Variants in HSPG2 observed in about 807,000 individuals in gnomAD.
The protein encoded by HSPG2 is basement membrane-specific heparan sulfate proteoglycan core protein.
A neutral mutation model predicts 526.6 loss-of-function variants in HSPG2; 278 were observed. The observed-to-expected ratio is 0.53, with a 90% confidence interval of 0.48 to 0.58. HSPG2 has a LOEUF of 0.58. Among genes scored for constraint, HSPG2 ranks in the 20% least tolerant of loss-of-function variants. The pLI is 0.00. For synonymous variants in HSPG2, 2,465 were observed against 2,555.4 expected (o/e 0.96, Z 1.07); for missense variants, 5,354 against 6,099.5 (o/e 0.88, Z 4.07).
intron 80 of HSPG2, chr1:21,832,916 C>T (rs1162633355): frequency 1.1e-5 from 6 of 562,618 alleles, no homozygotes; most frequent in African/African-American, 3.8e-5. Context: ...GTCAGAGACC[C>T]GTAAGAGACG....
Position 21,822,887 on chromosome 1 carries a change from T to C in HSPG2, c.*429A>G, listed in dbSNP as rs1270490168. 6.0e-6 allele frequency: 1 copy of C among 167,434 alleles called. No homozygotes were observed. The highest frequency in any genetic ancestry group is 1.3e-5 in the Non-Finnish European group (1 of 77,636). 10.4% of individuals were successfully genotyped at this position (167,434 alleles called of 1,614,324 possible). ...CCAATCCTGAGTGGGTGGCAGAGAC[T>C]CCTGCGATGCCCGTCTCAGGTAGCT... is the stretch of plus-strand genomic sequence containing the variant. On this transcript the variant is annotated 3_prime_UTR_variant, in exon 97 of 97. Coordinates refer to ENST00000374695, the MANE Select transcript of HSPG2 (RefSeq NM_005529.7).
chr1:21,839,557 A>C lies in HSPG2; in HGVS notation c.9710-7T>G, dbSNP rs2098040427. The stretch of plus-strand genomic sequence containing the variant: ...ATGGTGGGCGCGGGGCTGCCTGTGG[A>C]GTCGAGTGGAAGATGACAGAAGTCA... On this transcript the variant is annotated splice_polypyrimidine_tract_variant and splice_region_variant and intron_variant, in intron 72 of 96. Coordinates refer to ENST00000374695, the MANE Select transcript of HSPG2 (RefSeq NM_005529.7). The surrounding 1 kb of genome is among the most constrained non-coding windows in gnomAD (Gnocchi z 4.5). 1 of 1,613,552 alleles carries C rather than the reference A, an allele frequency of 6.2e-7. No individual in the cohort carries two copies. Among genetic ancestry groups the C allele is most frequent in the Non-Finnish European group, 8.5e-7 (1 of 1,179,860 alleles).
chr1:21,829,946 C>T (rs1159925098), intron 86 of HSPG2, 47 bp downstream of exon 86: 1 of 1,495,354 alleles, frequency 6.7e-7, no homozygotes, highest in Admixed American at 1.9e-5. Flanking sequence ...CCCAGCCTCC[C>T]CAGCTGACAC....
chr1:21,884,943 A>T, intron 11 of HSPG2, 25 bp from the exon 12 acceptor site: 1 of 1,613,966 alleles, frequency 6.2e-7, no homozygotes, highest in Non-Finnish European at 8.5e-7. Context: ...GACAAGTGGT[A>T]GGATCTGGCC....
chr1:21,845,581 T>C (rs1014310601), intron 64 of HSPG2, among the ~76,000 whole-genome samples: 1 of 152,144 alleles, frequency 6.6e-6, no homozygotes, highest in African/African-American at 2.4e-5. Flanking sequence ...GGTTTCACCA[T>C]GTTACCCAGA....
At chr1:21,838,453 C>T (rs2098035815) in intron 74 of HSPG2, among the ~76,000 whole-genome samples, 1 of 152,268 alleles carries the variant, frequency 6.6e-6, no homozygotes, top group African/African-American at 2.4e-5. Flanking sequence ...CCCAGCCCAT[C>T]CTGGGCCTTG....
At chr1:21,868,530 C>G (rs1001941952) in intron 33 of HSPG2, among the ~76,000 whole-genome samples, 1 of 152,198 alleles carries the variant, frequency 6.6e-6, no homozygotes, top group Non-Finnish European at 1.5e-5. Flanking sequence ...ACGCAGCACA[C>G]AGTAAATAAT....
At position 21,839,979 on chromosome 1, in the gene HSPG2, C is replaced by G; in HGVS notation, c.9552G>C (p.Val3184=). Reference sequence around the variant, plus strand: ...TGCCTAGTGCATTCTGAGCAAGGCACACATAAGTGCCCGCATCTGATGGTT... The same window carrying G: ...TGCCTAGTGCATTCTGAGCAAGGCAGACATAAGTGCCCGCATCTGATGGTT... ...SAKPSDAGTY[V]CLAQNALGTA... is the part of the protein sequence containing the mutation. The change falls in exon 72 of 97, where the codon GTG becomes GTC. Residue 3184 remains valine, a synonymous_variant. Coordinates refer to ENST00000374695, the MANE Select transcript of HSPG2 (RefSeq NM_005529.7). The surrounding 1 kb of genome is among the most constrained non-coding windows in gnomAD (Gnocchi z 4.5). 6.2e-7 allele frequency: 1 copy of G among 1,614,194 alleles called. No individual in the cohort carries two copies. The highest frequency in any genetic ancestry group is 1.1e-5 in the South Asian group (1 of 91,086).
At chr1:21,846,986 C>A (rs1045848443) in intron 62 of HSPG2, among the ~76,000 whole-genome samples, 1 of 151,078 alleles carries the variant, frequency 6.6e-6, no homozygotes, top group East Asian at 1.9e-4. Context: ...GGTGACAGAG[C>A]GAGACTCCCT....
rs758331060 is a variant in HSPG2 at position 21,831,671 on chromosome 1, G to A, written c.11333C>T (p.Pro3778Leu). Reference sequence around the variant, plus strand: ...TCTCACCTGGGAGGTCCCATTGACCGGGGCCAGGTCACCCACAATCAGGGA... The same window carrying A: ...TCTCACCTGGGAGGTCCCATTGACCAGGGCCAGGTCACCCACAATCAGGGA... ...QGSLIVGDLA[P>L]VNGTSQGKFQ... Residue 3778 changes from proline (P) to leucine (L), a missense_variant, in exon 82 of 97, where the codon CCG becomes CTG. Coordinates refer to ENST00000374695, the MANE Select transcript of HSPG2 (RefSeq NM_005529.7). 1.2e-5 allele frequency: 19 copies of A among 1,605,910 alleles called. No individual in the cohort carries two copies. Among genetic ancestry groups the A allele is most frequent in the South Asian group, 3.3e-5 (3 of 89,968 alleles).
rs2152721317 is a variant in HSPG2 at position 21,852,829 on chromosome 1, G to A, written c.6595C>T (p.His2199Tyr). Residue 2199 changes from histidine to tyrosine, a missense_variant, in exon 52 of 97, where the codon CAC becomes TAC. His to Tyr is a moderately conservative substitution (Grantham distance 83, BLOSUM62 2). Coordinates refer to ENST00000374695, the MANE Select transcript of HSPG2 (RefSeq NM_005529.7). ...GGSLPARHQT[H>Y]GSLLRLHQVT... ...TGGTGCAGCCGCAGCAGCGAGCCGT[G>A]GGTCTGTGTGCAAATGGGGTGGGTT... 4.3e-6 allele frequency: 7 copies of A among 1,612,366 alleles called. No homozygotes were observed. Among genetic ancestry groups the A allele is most frequent in the East Asian group, 2.2e-5 (1 of 44,868 alleles).
At position 21,879,080 on chromosome 1, in the gene HSPG2, G is replaced by A; in HGVS notation, c.2385C>T (p.Cys795=). The change falls in exon 18 of 97, where the codon TGC becomes TGT. Residue 795 remains cysteine (C), a synonymous_variant. Transcript: ENST00000374695. ...HNTEGPQCNK[C]KAGFFGDAMK... is the part of the protein sequence containing the mutation. ...TGGCGTCCCCAAAGAAGCCAGCCTT[G>A]CACTTGTTGCACTGTGGCCCCTCCG... 6.2e-7 allele frequency: 1 copy of A among 1,614,250 alleles called. No individual in the cohort carries two copies. The highest frequency in any genetic ancestry group is 2.2e-5 in the East Asian group (1 of 44,890).
Position 21,885,151 on chromosome 1 carries a change from G to C in HSPG2, c.1217C>G (p.Pro406Arg). 2 of 1,608,936 alleles carry C rather than the reference G, an allele frequency of 1.2e-6. No individual in the cohort carries two copies. Among genetic ancestry groups the C allele is most frequent in the Non-Finnish European group, 8.5e-7 (1 of 1,177,492 alleles). ...DRSDEFGCMP[P>R]QVVTPPRESI... ...CTCCCGGGGAGGTGTCACCACCTGG[G>C]GGGGCACTGAGGAGACCAGGGCAGG... Residue 406 changes from proline to arginine, a missense_variant, in exon 11 of 97, where the codon CCC becomes CGC. Physicochemically the swap from Pro to Arg is moderately radical, Grantham distance 103. Transcript: ENST00000374695.
In HSPG2 at chr1:21,843,297, C is replaced by T. The variant is rs775585114; in HGVS notation, c.8758G>A (p.Ala2920Thr). 5.6e-5 allele frequency: 91 copies of T among 1,613,882 alleles called. 2 individuals are homozygous for T. The South Asian group carries it at 9.6e-4, about 17-fold the overall frequency. The part of the protein sequence containing the change: ...IEPSSPGPIP[A>T]PGLAQPIYIE... ...TCGCCCACTGCTCCCTATCACTCACCAGGAATGGGTCCTGGGCTGGAGGGC... is the reference window on the plus strand; with the variant it reads ...TCGCCCACTGCTCCCTATCACTCACTAGGAATGGGTCCTGGGCTGGAGGGC... The change falls in exon 66 of 97, where the codon GCT becomes ACT. Residue 2920 changes from alanine to threonine, a missense_variant and splice_region_variant. Coordinates refer to ENST00000374695, the MANE Select transcript of HSPG2 (RefSeq NM_005529.7).
chr1:21,824,748 G>A lies in HSPG2; in HGVS notation c.12621C>T (p.His4207=), dbSNP rs111919988. ...CAGGGAAGGCGAGGAAGCCATCATC[G>A]TGGAAATAGGCTCCGTACTGCCCAG... ...DAPGQYGAYF[H]DDGFLAFPGH... The change falls in exon 92 of 97, where the codon CAC becomes CAT. Residue 4207 remains histidine, a synonymous_variant. Transcript: ENST00000374695. This position sits in a 1 kb window ranked among gnomAD's most constrained non-coding sequence, Gnocchi z 5.9. The A allele has an allele frequency of 1.7e-5, 28 of 1,613,380 alleles. No individual in the cohort carries two copies. In the African/African-American group the frequency reaches 2.0e-4, roughly 12 times the overall value.
chr1:21,865,215 C>T lies in HSPG2; in HGVS notation c.4395+70G>A. ...GGGGAGCGAGAGACAGGGTGGGTAT[C>T]AAAGCCAGGCTCTGAGTCAGGGTGG... On this transcript the variant is annotated intron_variant, in intron 35 of 96. Coordinates refer to ENST00000374695, the MANE Select transcript of HSPG2 (RefSeq NM_005529.7). This position sits in a 1 kb window ranked among gnomAD's most constrained non-coding sequence, Gnocchi z 5.4. 1.3e-6 allele frequency: 2 copies of T among 1,554,600 alleles called. No homozygotes were observed. The highest frequency in any genetic ancestry group is 1.8e-6 in the Non-Finnish European group (2 of 1,125,920).
At chr1:21,888,172 C>A (rs1215113911) in intron 6 of HSPG2, 106 bp from the exon 7 acceptor site, 5 of 1,495,428 alleles carry the variant, frequency 3.3e-6, no homozygotes, top group Non-Finnish European at 3.7e-6. Context: ...CTGTGTCAGG[C>A]AGCTCGGTTT....
At position 21,828,873 on chromosome 1, in the gene HSPG2, T is replaced by C. The variant is rs2097988987; in HGVS notation, c.12199A>G (p.Thr4067Ala). The C allele has an allele frequency of 2.6e-6, 4 of 1,552,244 alleles. No individual in the cohort carries two copies. In the Middle Eastern group the frequency reaches 6.8e-4, roughly 263 times the overall value. Reference protein sequence around the residue: ...VEPSVPLSPATNMSAHFRGCV... With the variant: ...VEPSVPLSPAANMSAHFRGCV... The stretch of plus-strand genomic sequence containing the variant: ...CCGCGGAAGTGAGCGCTCATGTTGG[T>C]GGCCGGGGACAGTGGCACGGAAGGC... Residue 4067 changes from threonine to alanine, a missense_variant, in exon 88 of 97, where the codon ACC becomes GCC. Coordinates refer to ENST00000374695, the MANE Select transcript of HSPG2 (RefSeq NM_005529.7). This position sits in a 1 kb window ranked among gnomAD's most constrained non-coding sequence, Gnocchi z 6.0.
At position 21,855,628 on chromosome 1, in the gene HSPG2, T is replaced by G; in HGVS notation, c.5749A>C (p.Ile1917Leu). The part of the protein sequence containing the change: ...LPAKAQIHGG[I>L]LRLPAVEPTD... ...GGCTCGACAGCTGGCAGGCGCAGGA[T>G]GCCGCCGTGGATTTGTGCCTTCGCA... The change falls in exon 46 of 97, where the codon ATC becomes CTC. Residue 1917 changes from isoleucine (I) to leucine (L), a missense_variant. Ile to Leu is a conservative substitution (Grantham distance 5). Transcript: ENST00000374695. The G allele has an allele frequency of 6.3e-7, 1 of 1,576,630 alleles. No individual in the cohort carries two copies. Among genetic ancestry groups the G allele is most frequent in the Non-Finnish European group, 8.6e-7 (1 of 1,164,100 alleles).
Sources: allele counts gnomAD v4.1 joint callset (sites outside exome capture counted in the v4.1 genomes callset), GRCh38; gene constraint gnomAD v4.1.1; non-coding constraint Gnocchi (gnomAD v3.1); transcripts MANE v1.5; gene names NCBI Gene and HGNC (gene_info 2026-07-23, HGNC 2026-07-21).